Variants in ADGB observed in about 807,000 individuals in gnomAD.
The protein encoded by ADGB is androglobin.
In ADGB, 172 loss-of-function variants were observed where a neutral mutation model predicts 210.5. The observed-to-expected ratio is 0.82, with a 90% confidence interval of 0.72 to 0.93. ADGB has a LOEUF of 0.93. ADGB is among the 40% of genes least tolerant of loss of function. The pLI, the probability that ADGB is intolerant of heterozygous loss-of-function variation, is 0.00. For synonymous variants in ADGB, 658 were observed against 662.7 expected, an observed-to-expected ratio of 0.99 and a Z score of 0.11; for missense variants, 2,025 against 1,964.8, an observed-to-expected ratio of 1.03 and a Z score of -0.58.
At chr6:146,643,693 A>C (rs1439662003) in intron 2 of ADGB, among the ~76,000 whole-genome samples, 1 of 151,896 alleles carries the variant, frequency 6.6e-6, no homozygotes, top group African/African-American at 2.4e-5. Context: ...GATAAATGGA[A>C]ACTTATGTTA....
intron 12 of ADGB, among the ~76,000 whole-genome samples, chr6:146,694,790 C>T (rs1017725884): frequency 6.6e-6 from 1 of 152,092 alleles, no homozygotes; most frequent in African/African-American, 2.4e-5. Context: ...AAGTTATTTT[C>T]CAGTCCCACT....
chr6:146,628,305 C>A (rs1275880177), intron 1 of ADGB, among the ~76,000 whole-genome samples: 1 of 151,700 alleles, frequency 6.6e-6, no homozygotes, highest in African/African-American at 2.4e-5. Flanking sequence ...ACTTTCAGAT[C>A]TGATGAAAAT....
chr6:146,694,774 C>T (rs138822452), intron 12 of ADGB, among the ~76,000 whole-genome samples: 1 of 152,184 alleles, frequency 6.6e-6, no homozygotes, highest in East Asian at 1.9e-4. Context: ...TAAAAAAATA[C>T]TGTGTAAGTT....
chr6:146,815,199 G>T lies in ADGB; in HGVS notation c.4986G>T (p.Lys1662Asn). The T allele has an allele frequency of 1.3e-6, 2 of 1,504,576 alleles. No homozygotes were observed. The highest frequency in any genetic ancestry group is 2.9e-5 in the African/African-American group (2 of 69,818). The allele number at this position is 1,504,576 out of a possible 1,614,324, so 93.2% of individuals were successfully genotyped here. A position where few individuals can be genotyped will look rare whatever the true frequency, so the allele number is the denominator to read the frequency against. The part of the protein sequence containing the change: ...MTPAPDTQKK[K>N]KGKKK ...CAGCTCCTGACACACAGAAAAAAAAGAAAGGAAAGAAAAAGTAACCAGGGG... is the reference window on the plus strand; with the variant it reads ...CAGCTCCTGACACACAGAAAAAAAATAAAGGAAAGAAAAAGTAACCAGGGG... The change falls in exon 36 of 36, where the codon AAG becomes AAT. Residue 1662 changes from lysine (K) to asparagine (N), a missense_variant. By Grantham distance (94) the Lys-to-Asn change is moderately conservative. Coordinates refer to ENST00000397944, the MANE Select transcript of ADGB (RefSeq NM_024694.4).
At chr6:146,735,181 T>C (rs1253667944) in intron 22 of ADGB, among the ~76,000 whole-genome samples, 1 of 152,204 alleles carries the variant, frequency 6.6e-6, no homozygotes, top group African/African-American at 2.4e-5. Context: ...TTTTTCCTCA[T>C]TACAAAACAT....
intron 35 of ADGB, among the ~76,000 whole-genome samples, chr6:146,811,421 G>A (rs1375888355): frequency 7.9e-6 from 1 of 126,812 alleles, no homozygotes; most frequent in Non-Finnish European, 1.6e-5. Flanking sequence ...ATATATACAT[G>A]TATGTGTGTC....
At chr6:146,812,793 G>T (rs976348466) in intron 35 of ADGB, among the ~76,000 whole-genome samples, 65 of 152,152 alleles carry the variant, frequency 4.3e-4, no homozygotes, top group African/African-American at 1.5e-3. Context: ...ACACATTTTT[G>T]AAAGGTTTCC....
intron 1 of ADGB, among the ~76,000 whole-genome samples, chr6:146,601,710 A>C (rs192415484): frequency 1.8e-4 from 28 of 152,350 alleles, no homozygotes; most frequent in African/African-American, 5.8e-4. Flanking sequence ...AGAGCCTTGA[A>C]AACGGCTATG....
intron 23 of ADGB, among the ~76,000 whole-genome samples, 198 bp downstream of exon 23, chr6:146,736,789 A>G (rs1318368150): frequency 2.0e-5 from 3 of 152,208 alleles, no homozygotes; most frequent in African/African-American, 7.2e-5. Flanking sequence ...ATTGCACATA[A>G]CTAAAATTCT....
At chr6:146,671,173 A>G (rs1275790935) in intron 7 of ADGB, among the ~76,000 whole-genome samples, 1 of 152,194 alleles carries the variant, frequency 6.6e-6, no homozygotes, top group Non-Finnish European at 1.5e-5. Context: ...TAAAATGATC[A>G]GATGTCACTA....
chr6:146,645,775 C>T (rs1178825652), intron 3 of ADGB, among the ~76,000 whole-genome samples: 1 of 151,730 alleles, frequency 6.6e-6, no homozygotes, highest in Non-Finnish European at 1.5e-5. Flanking sequence ...AATCTAAATT[C>T]AAAGATTAAA....
At chr6:146,658,845 A>G (rs1341772980) in intron 5 of ADGB, among the ~76,000 whole-genome samples, 2 of 152,124 alleles carry the variant, frequency 1.3e-5, no homozygotes, top group Non-Finnish European at 2.9e-5. Context: ...CCTCAGCTCC[A>G]CTGGCTCCCT....
Position 146,691,411 on chromosome 6 carries a change from A to AT in ADGB, c.1486+121_1486+122insT, listed in dbSNP as rs1776305900. The AT allele has an allele frequency of 4.1e-5, 4 of 98,200 alleles. No individual in the cohort carries two copies. In the African/African-American group the frequency reaches 4.7e-4, roughly 11 times the overall value. 6.1% of individuals were successfully genotyped at this position (98,200 alleles called of 1,614,324 possible). A position where few individuals can be genotyped will look rare whatever the true frequency, so the allele number is the denominator to read the frequency against. Reference sequence around the variant, plus strand: ...AACATTGCTTCTAAAGCCTATGTTTAATATATATATATATATATATATATA... The same window carrying AT: ...AACATTGCTTCTAAAGCCTATGTTTATATATATATATATATATATATATATA... On this transcript the variant is annotated intron_variant, in intron 11 of 35. Coordinates refer to ENST00000397944, the MANE Select transcript of ADGB (RefSeq NM_024694.4).
At chr6:146,615,678 A>G (rs1349494852) in intron 1 of ADGB, among the ~76,000 whole-genome samples, 1 of 152,192 alleles carries the variant, frequency 6.6e-6, no homozygotes, top group Non-Finnish European at 1.5e-5. Context: ...TATAAGTGAG[A>G]ACATGGAATA....
chr6:146,671,962 C>T (rs1226098275), intron 7 of ADGB, among the ~76,000 whole-genome samples: 2 of 152,128 alleles, frequency 1.3e-5, no homozygotes, highest in Non-Finnish European at 2.9e-5. Flanking sequence ...ATTAGCTTCC[C>T]TACCAGGGCG....
chr6:146,779,288 T>C (rs945487680), intron 29 of ADGB, among the ~76,000 whole-genome samples: 4 of 152,158 alleles, frequency 2.6e-5, no homozygotes, highest in Non-Finnish European at 5.9e-5. Flanking sequence ...TCTGAGGATA[T>C]AGAATGAAGA....
At chr6:146,692,335 A>T (rs1181152474) in intron 11 of ADGB, among the ~76,000 whole-genome samples, 1 of 152,120 alleles carries the variant, frequency 6.6e-6, no homozygotes, top group Non-Finnish European at 1.5e-5. Context: ...GAATATCCAC[A>T]ACACCTCTCC....
chr6:146,728,451 A>G (rs1776929515), intron 19 of ADGB, 123 bp from the exon 20 acceptor site: 3 of 1,026,778 alleles, frequency 2.9e-6, no homozygotes, highest in Middle Eastern at 2.9e-4. Context: ...TTGATATCAA[A>G]TCCTCTATAA....
At chr6:146,736,469 A>G in intron 22 of ADGB, 29 bp from the exon 23 acceptor site, 2 of 1,381,846 alleles carry the variant, frequency 1.4e-6, no homozygotes, top group Non-Finnish European at 2.0e-6. Flanking sequence ...TTAAAGCTTA[A>G]CGTTTTTATT....
Sources: allele counts gnomAD v4.1 joint callset (sites outside exome capture counted in the v4.1 genomes callset), GRCh38; gene constraint gnomAD v4.1.1; transcripts MANE v1.5; gene names NCBI Gene and HGNC (gene_info 2026-07-23, HGNC 2026-07-21).